Variants in PTPRD observed in about 807,000 individuals in gnomAD.
The protein encoded by PTPRD is protein tyrosine phosphatase receptor type D.
PTPRD carries 34 observed loss-of-function variants against 214.5 expected under a neutral mutation model. The ratio of observed to expected loss-of-function variants is 0.16; its 90% CI spans 0.12 to 0.21. The LOEUF (loss-of-function observed/expected upper bound fraction) is 0.21. Ranked by LOEUF, PTPRD falls within the 10% of genes least tolerant of loss-of-function variation. The pLI is 1.00. For missense variants in PTPRD, 2,545 were observed against 2,398.7 expected (o/e 1.06, Z -1.27); for synonymous variants, 1,128 against 845.7 (o/e 1.33, Z -5.79).
At chr9:8,771,787 T>C (rs916978164) in intron 11 of PTPRD, among the ~76,000 whole-genome samples, 7 of 151,280 alleles carry the variant, frequency 4.6e-5, no homozygotes, top group Non-Finnish European at 8.8e-5. Flanking sequence ...ATGACCAAAC[T>C]AGTAGCCACA....
intron 9 of PTPRD, among the ~76,000 whole-genome samples, chr9:9,221,257 A>C (rs1239304486): frequency 6.6e-6 from 1 of 152,124 alleles, no homozygotes; most frequent in East Asian, 1.9e-4. Flanking sequence ...CCAATCAATG[A>C]TGATGCATGA....
intron 10 of PTPRD, among the ~76,000 whole-genome samples, chr9:9,024,723 C>T (rs2099581500): frequency 6.6e-6 from 1 of 151,706 alleles, no homozygotes; most frequent in Non-Finnish European, 1.5e-5. Context: ...TTCTGAAATG[C>T]TCCTTCATGT....
At chr9:9,597,761 A>G (rs1451266039) in intron 7 of PTPRD, among the ~76,000 whole-genome samples, 6 of 152,074 alleles carry the variant, frequency 3.9e-5, no homozygotes, top group Non-Finnish European at 8.8e-5. Context: ...TGAACAAGAA[A>G]TAAAGGTAAC....
At chr9:8,614,749 A>C (rs2095556027) in intron 14 of PTPRD, among the ~76,000 whole-genome samples, 1 of 152,192 alleles carries the variant, frequency 6.6e-6, no homozygotes, top group African/African-American at 2.4e-5. Flanking sequence ...GACACAAGAC[A>C]AAATGACAGA....
At chr9:9,624,898 G>A (rs987035890) in intron 7 of PTPRD, among the ~76,000 whole-genome samples, 13 of 151,690 alleles carry the variant, frequency 8.6e-5, no homozygotes, top group Non-Finnish European at 1.5e-4. Context: ...TACCAGCAGT[G>A]TGGCCTTGGG....
At chr9:8,669,240 G>T (rs1234746302) in intron 12 of PTPRD, among the ~76,000 whole-genome samples, 1 of 152,104 alleles carries the variant, frequency 6.6e-6, no homozygotes, top group African/African-American at 2.4e-5. Context: ...TTCAAGGAGA[G>T]CTTCCAGAGA....
At chr9:10,013,705 T>C (rs1382731386) in intron 4 of PTPRD, among the ~76,000 whole-genome samples, 2 of 151,932 alleles carry the variant, frequency 1.3e-5, no homozygotes, top group African/African-American at 4.8e-5. Flanking sequence ...TAAAAATAGA[T>C]GTAGGTATGC....
At chr9:8,967,762 CT>C (rs918352607) in intron 11 of PTPRD, among the ~76,000 whole-genome samples, 4 of 152,146 alleles carry the variant, frequency 2.6e-5, no homozygotes, top group African/African-American at 4.8e-5. Context: ...CAGGCAGGCA[CT>C]TTTTTTAAAT....
intron 35 of PTPRD, among the ~76,000 whole-genome samples, chr9:8,422,732 AAG>A (rs2131667261): frequency 6.6e-6 from 1 of 152,324 alleles, no homozygotes; most frequent in East Asian, 1.9e-4. Flanking sequence ...GGAATAGAAA[AAG>A]AACAAAAATG....
chr9:10,313,456 A>AT (rs2154419619), intron 3 of PTPRD, among the ~76,000 whole-genome samples: 1 of 150,492 alleles, frequency 6.6e-6, no homozygotes, highest in South Asian at 2.1e-4. Flanking sequence ...TATTTTGTTC[A>AT]TTTTCACTTC....
At chr9:9,958,310 A>T (rs894328996) in intron 4 of PTPRD, among the ~76,000 whole-genome samples, 8 of 152,148 alleles carry the variant, frequency 5.3e-5, no homozygotes, top group African/African-American at 1.9e-4. Context: ...TGGGTGGATC[A>T]CCTGAGGTCA....
chr9:8,719,863 A>G (rs892432380), intron 12 of PTPRD, among the ~76,000 whole-genome samples: 1 of 136,760 alleles, frequency 7.3e-6, no homozygotes, highest in East Asian at 2.0e-4. Flanking sequence ...AAAGAAAAAG[A>G]AAAAAAAAAA....
chr9:10,023,522 T>C (rs1589130475), intron 4 of PTPRD, among the ~76,000 whole-genome samples: 1 of 152,216 alleles, frequency 6.6e-6, no homozygotes, highest in Admixed American at 6.5e-5. Flanking sequence ...TACCATCAAA[T>C]ATTTCACAAA....
chr9:9,678,519 A>AT (rs1030091729), intron 7 of PTPRD, among the ~76,000 whole-genome samples: 1 of 151,954 alleles, frequency 6.6e-6, no homozygotes, highest in Non-Finnish European at 1.5e-5. Context: ...AACTTACACA[A>AT]TAAAAAATCC....
intron 8 of PTPRD, among the ~76,000 whole-genome samples, chr9:9,468,727 T>C (rs190775138): frequency 4.6e-5 from 7 of 152,284 alleles, no homozygotes; most frequent in Admixed American, 4.6e-4. Flanking sequence ...GAAATGCATA[T>C]TGTAATTTTC....
intron 9 of PTPRD, among the ~76,000 whole-genome samples, chr9:9,382,518 G>T (rs2140373582): frequency 6.6e-6 from 1 of 152,184 alleles, no homozygotes; most frequent in East Asian, 1.9e-4. Context: ...TGGGCAAAGG[G>T]CTTGAATAGA....
chr9:9,260,989 T>G (rs1261343650), intron 9 of PTPRD, among the ~76,000 whole-genome samples: 1 of 151,822 alleles, frequency 6.6e-6, no homozygotes. Flanking sequence ...ATTGTACATT[T>G]CATTTTTTAA....
At chr9:9,274,871 G>A (rs1374783492) in intron 9 of PTPRD, among the ~76,000 whole-genome samples, 1 of 148,520 alleles carries the variant, frequency 6.7e-6, no homozygotes, top group Admixed American at 6.9e-5. Context: ...AGATAGGAAT[G>A]ATTCTACTCG....
intron 9 of PTPRD, among the ~76,000 whole-genome samples, chr9:9,332,076 G>A (rs963504057): frequency 5.9e-5 from 9 of 152,002 alleles, no homozygotes; most frequent in Non-Finnish European, 1.2e-4. Context: ...CACATGTAGA[G>A]GTGAGGAGGA....
Sources: allele counts gnomAD v4.1 joint callset (sites outside exome capture counted in the v4.1 genomes callset), GRCh38; gene constraint gnomAD v4.1.1; transcripts MANE v1.5; gene names NCBI Gene and HGNC (gene_info 2026-07-23, HGNC 2026-07-21).